Variants in LAMA2 observed in about 807,000 individuals in gnomAD.
LAMA2 encodes the protein laminin subunit alpha-2.
A neutral mutation model predicts 364.8 loss-of-function variants in LAMA2; 269 were observed. The observed-to-expected ratio is 0.74, with a 90% CI of 0.67 to 0.82. The LOEUF is 0.82. LAMA2 is among the 40% of genes least tolerant of loss of function. The pLI, the probability that LAMA2 is intolerant of heterozygous loss-of-function variation, is 0.00. For synonymous variants in LAMA2, 1,379 were observed against 1,370.6 expected, an observed-to-expected ratio of 1.01 and a Z score of -0.14; for missense variants, 3,807 against 3,873.2, an observed-to-expected ratio of 0.98 and a Z score of 0.45.
chr6:129,116,413 A>G (rs1776485229), intron 4 of LAMA2, among the ~76,000 whole-genome samples: 1 of 152,130 alleles, frequency 6.6e-6, no homozygotes, highest in South Asian at 2.1e-4. Flanking sequence ...TAGCCCCAAA[A>G]TTATTCACCT....
intron 45 of LAMA2, 59 bp from the exon 46 acceptor site, chr6:129,452,929 C>G: frequency 6.8e-7 from 1 of 1,462,084 alleles, no homozygotes; most frequent in Non-Finnish European, 9.6e-7. Flanking sequence ...TGTATGGAAG[C>G]TACTTCAAAC....
intron 4 of LAMA2, among the ~76,000 whole-genome samples, chr6:129,108,041 T>G (rs2114893943): frequency 6.6e-6 from 1 of 152,082 alleles, no homozygotes; most frequent in South Asian, 2.1e-4. Flanking sequence ...TTCTTTACCT[T>G]TTAGCTTTGA....
chr6:129,447,584 A>G (rs919481797), intron 45 of LAMA2, among the ~76,000 whole-genome samples: 3 of 152,342 alleles, frequency 2.0e-5, no homozygotes, highest in South Asian at 2.1e-4. Context: ...TCATTTAACA[A>G]CACTGGTACT....
chr6:129,222,943 G>T (rs891413135), intron 12 of LAMA2, among the ~76,000 whole-genome samples: 1 of 152,148 alleles, frequency 6.6e-6, no homozygotes, highest in African/African-American at 2.4e-5. Context: ...GGTTGAACTA[G>T]TTTACAATCC....
rs554928873 is a variant in LAMA2 at position 129,505,784 on chromosome 6, G to C, written c.8703+429G>C. Among the ~76,000 whole-genome samples the C allele has an allele frequency of 8.3e-3, 1,264 of 151,856 alleles. 11 individuals carry two copies. The highest frequency in any genetic ancestry group is 0.014 in the Non-Finnish European group (944 of 67,922). ...CCTGACCTCATGATCCGCCTGCCTC[G>C]GCCTCCCAAAGTGCTGGGATTACAG... On this transcript the variant is annotated intron_variant, in intron 61 of 64. Transcript: ENST00000421865.
intron 9 of LAMA2, among the ~76,000 whole-genome samples, chr6:129,166,790 A>G (rs1417250802): frequency 6.6e-6 from 1 of 152,196 alleles, no homozygotes; most frequent in African/African-American, 2.4e-5. Flanking sequence ...TATTTCTGTC[A>G]TAATGCATAC....
chr6:128,885,622 A>G (rs983198827), intron 1 of LAMA2, among the ~76,000 whole-genome samples: 2 of 152,156 alleles, frequency 1.3e-5, no homozygotes, highest in Non-Finnish European at 2.9e-5. Context: ...TCTGTTTTCG[A>G]TTATACTAGC....
chr6:128,981,775 T>C (rs1422837576), intron 1 of LAMA2, among the ~76,000 whole-genome samples: 1 of 151,976 alleles, frequency 6.6e-6, no homozygotes, highest in East Asian at 1.9e-4. Context: ...ATAATAATAC[T>C]GCCTTCCAGT....
chr6:129,302,411 A>G (rs1773604004), intron 22 of LAMA2, among the ~76,000 whole-genome samples: 1 of 152,024 alleles, frequency 6.6e-6, no homozygotes, highest in African/African-American at 2.4e-5. Flanking sequence ...TTCTGGATAC[A>G]TGTTCTTTAA....
chr6:129,452,990 C>T lies in LAMA2; in HGVS notation c.6432C>T (p.Ile2144=), dbSNP rs1404849871. ...TTTGTATCTTGTTTTTTTTAAAGAT[C>T]AAAGTATCTGTGTCTTCAGGAGGTG... ...INQARKQANS[I]KVSVSSGGDC... is the part of the protein sequence containing the mutation. The change falls in exon 46 of 65, where the codon ATC becomes ATT. Residue 2144 remains isoleucine, a splice_region_variant and synonymous_variant. Transcript: ENST00000421865. 6.2e-7 allele frequency: 1 copy of T among 1,611,858 alleles called. No homozygotes were observed. The highest frequency in any genetic ancestry group is 1.7e-5 in the Admixed American group (1 of 59,892).
intron 4 of LAMA2, among the ~76,000 whole-genome samples, chr6:129,102,437 G>A (rs1053559407): frequency 8.6e-5 from 13 of 151,638 alleles, no homozygotes; most frequent in Admixed American, 3.3e-4. Context: ...GCCCAGCCTG[G>A]TTCATTTTCA....
intron 10 of LAMA2, among the ~76,000 whole-genome samples, chr6:129,185,770 T>C (rs1031077750): frequency 6.6e-6 from 1 of 151,860 alleles, no homozygotes; most frequent in African/African-American, 2.4e-5. Flanking sequence ...TATGTGAGAA[T>C]ATAAAAGTAT....
rs553023011 is a variant in LAMA2, at chr6:129,140,218, G to T, written c.640-3683G>T. On this transcript the variant is annotated intron_variant, in intron 4 of 64. Transcript: ENST00000421865. ...ATAAAAATGCCATTGAGGCACAGAG[G>T]TCTTACTAATCTGTAAAGCAAACAT... 9.9e-5 allele frequency among the ~76,000 whole-genome samples: 15 copies of T among 152,102 alleles called. No individual in the cohort carries two copies. In the East Asian group the frequency reaches 2.1e-3, roughly 22 times the overall value.
At chr6:129,510,700 T>G (rs1786504303) in intron 62 of LAMA2, among the ~76,000 whole-genome samples, 1 of 152,036 alleles carries the variant, frequency 6.6e-6, no homozygotes. Flanking sequence ...TAATTTTGTT[T>G]GGGGGATATC....
chr6:129,422,815 C>T (rs1781142779), intron 40 of LAMA2, among the ~76,000 whole-genome samples: 1 of 152,034 alleles, frequency 6.6e-6, no homozygotes, highest in Admixed American at 6.6e-5. Flanking sequence ...GGAGAAAATA[C>T]ATCCAACCTC....
intron 18 of LAMA2, 62 bp downstream of exon 18, chr6:129,280,209 A>C: frequency 1.9e-6 from 2 of 1,036,974 alleles, no homozygotes; most frequent in Non-Finnish European, 3.0e-6. Context: ...AAAACCGCAG[A>C]TACAATCATC....
chr6:129,369,823 G>A (rs1400810758), intron 33 of LAMA2, 69 bp from the exon 34 acceptor site: 2 of 1,295,188 alleles, frequency 1.5e-6, no homozygotes, highest in Admixed American at 3.4e-5. Context: ...ATACAAAAAT[G>A]TGTTCTGTCG....
chr6:128,933,951 A>C (rs1009970063), intron 1 of LAMA2, among the ~76,000 whole-genome samples: 2 of 152,104 alleles, frequency 1.3e-5, no homozygotes, highest in Non-Finnish European at 2.9e-5. Flanking sequence ...CTGCAGTTAC[A>C]CTTCTTTGTT....
intron 1 of LAMA2, among the ~76,000 whole-genome samples, chr6:129,010,749 C>T (rs1031906762): frequency 6.6e-6 from 1 of 152,102 alleles, no homozygotes; most frequent in Non-Finnish European, 1.5e-5. Flanking sequence ...TCCTACTTGT[C>T]CAAATATGTG....
Sources: allele counts gnomAD v4.1 joint callset (sites outside exome capture counted in the v4.1 genomes callset), GRCh38; gene constraint gnomAD v4.1.1; transcripts MANE v1.5; gene names NCBI Gene and HGNC (gene_info 2026-07-23, HGNC 2026-07-21).